TENM4: variants seen among roughly 807,000 people sequenced by gnomAD.
The protein encoded by TENM4 is teneurin-4.
In TENM4, 82 loss-of-function variants were observed where a neutral mutation model predicts 243.3. The observed-to-expected ratio is 0.34, with a 90% CI of 0.28 to 0.40. The LOEUF (loss-of-function observed/expected upper bound fraction) is 0.40, where lower values mean the gene tolerates loss of function less well. Among genes scored for constraint, TENM4 ranks in the 10% least tolerant of loss-of-function variants. The probability of loss-of-function intolerance (pLI) is 1.00; values close to 1 mark genes in which losing one functional copy is unlikely to be tolerated. For synonymous variants in TENM4, 1,412 were observed against 1,456.3 expected (o/e 0.97, Z 0.69); for missense variants, 3,138 against 3,673.3 (o/e 0.85, Z 3.77).
intron 1 of TENM4, among the ~76,000 whole-genome samples, chr11:79,329,761 G>T (rs953776974): frequency 6.6e-6 from 1 of 152,228 alleles, no homozygotes; most frequent in African/African-American, 2.4e-5. Context: ...GGGAAGATGA[G>T]ATCAGAAGTT....
Position 78,670,872 on chromosome 11 carries a change from G to C in TENM4, c.5794-321C>G, listed in dbSNP as rs1565324892. The stretch of plus-strand genomic sequence containing the variant: ...CTGTCCTATGGTGAGCAGCCTCGTG[G>C]GTTTGCCCCTTTGTGCAGGACAGAC... On this transcript the variant is annotated intron_variant, in intron 31 of 33. Coordinates refer to ENST00000278550, the MANE Select transcript of TENM4 (RefSeq NM_001098816.3). Among the ~76,000 whole-genome samples the C allele has an allele frequency of 2.0e-5, 3 of 152,180 alleles. No individual in the cohort carries two copies. The South Asian group carries it at 6.2e-4, about 31-fold the overall frequency.
chr11:79,152,697 C>T (rs537687093), intron 3 of TENM4, among the ~76,000 whole-genome samples: 1 of 152,324 alleles, frequency 6.6e-6, no homozygotes, highest in East Asian at 1.9e-4. Context: ...TTTGTGCTGG[C>T]TGGCAGCCCT....
At chr11:79,199,863 C>G (rs1863705038) in intron 3 of TENM4, among the ~76,000 whole-genome samples, 1 of 152,216 alleles carries the variant, frequency 6.6e-6, no homozygotes, top group South Asian at 2.1e-4. Flanking sequence ...TCCACAGCAG[C>G]TGACAATGGC....
chr11:78,760,808 T>C (rs1158253299), intron 18 of TENM4, among the ~76,000 whole-genome samples: 1 of 152,242 alleles, frequency 6.6e-6, no homozygotes, highest in Non-Finnish European at 1.5e-5. Context: ...AATTTCCATC[T>C]TTTTATCCGC....
At chr11:79,249,930 A>T (rs1317998256) in intron 2 of TENM4, among the ~76,000 whole-genome samples, 1 of 152,194 alleles carries the variant, frequency 6.6e-6, no homozygotes, top group Non-Finnish European at 1.5e-5. Flanking sequence ...TTTATTACGT[A>T]AACTTTTATT....
intron 1 of TENM4, among the ~76,000 whole-genome samples, chr11:79,344,944 A>T (rs1857302213): frequency 6.6e-6 from 1 of 152,238 alleles, no homozygotes; most frequent in African/African-American, 2.4e-5. Flanking sequence ...AATCGCTGCC[A>T]TCCAAAGCTT....
At chr11:79,330,168 C>G (rs1408509067) in intron 1 of TENM4, among the ~76,000 whole-genome samples, 2 of 152,146 alleles carry the variant, frequency 1.3e-5, no homozygotes, top group Admixed American at 1.3e-4. Context: ...GAAAGCAGAA[C>G]TGGGAAGAAT....
chr11:78,865,601 G>C (rs1039018981), intron 9 of TENM4, among the ~76,000 whole-genome samples: 21 of 152,260 alleles, frequency 1.4e-4, no homozygotes, highest in African/African-American at 5.1e-4. Flanking sequence ...GAGGGGCTGT[G>C]TGACTGCCAT....
At chr11:79,257,192 G>A (rs1855715144) in intron 2 of TENM4, among the ~76,000 whole-genome samples, 1 of 152,104 alleles carries the variant, frequency 6.6e-6, no homozygotes, top group African/African-American at 2.4e-5. Flanking sequence ...AAGGAACTAG[G>A]CCTCAAGTAT....
intron 1 of TENM4, among the ~76,000 whole-genome samples, chr11:79,321,558 T>G (rs1856888688): frequency 6.8e-6 from 1 of 147,228 alleles, no homozygotes; most frequent in Non-Finnish European, 1.5e-5. Flanking sequence ...AGGCAGACAT[T>G]ACCAGAGGAA....
At chr11:78,902,662 T>C (rs1349868748) in intron 7 of TENM4, among the ~76,000 whole-genome samples, 3 of 152,228 alleles carry the variant, frequency 2.0e-5, no homozygotes, top group Non-Finnish European at 4.4e-5. Context: ...GAGGATTACA[T>C]AATGTCACAC....
At chr11:78,836,182 A>G (rs1279956879) in intron 12 of TENM4, among the ~76,000 whole-genome samples, 1 of 150,748 alleles carries the variant, frequency 6.6e-6, no homozygotes, top group East Asian at 1.9e-4. Context: ...ACATGGTGAA[A>G]TCCTGTTTCT....
At chr11:79,008,876 A>G (rs561551639) in intron 6 of TENM4, among the ~76,000 whole-genome samples, 76 of 152,176 alleles carry the variant, frequency 5.0e-4, no homozygotes, top group African/African-American at 1.8e-3. Flanking sequence ...ATTTCCATCC[A>G]CCCTCCATGA....
At chr11:78,737,326 G>A (rs1277844762) in intron 20 of TENM4, among the ~76,000 whole-genome samples, 1 of 152,186 alleles carries the variant, frequency 6.6e-6, no homozygotes, top group African/African-American at 2.4e-5. Flanking sequence ...CTGAAGACTG[G>A]CCACTAATGT....
At chr11:78,816,485 G>C (rs2136111223) in intron 12 of TENM4, among the ~76,000 whole-genome samples, 1 of 152,354 alleles carries the variant, frequency 6.6e-6, no homozygotes, top group South Asian at 2.1e-4. Flanking sequence ...CAAACAGTGG[G>C]ACAGAGAAGC....
chr11:79,024,059 G>C (rs1453710955), intron 6 of TENM4, among the ~76,000 whole-genome samples: 1 of 152,232 alleles, frequency 6.6e-6, no homozygotes, highest in South Asian at 2.1e-4. Context: ...TATGAGGTTT[G>C]TAAGTTTTCC....
intron 15 of TENM4, among the ~76,000 whole-genome samples, chr11:78,804,943 A>G (rs1408066291): frequency 1.3e-5 from 2 of 152,154 alleles, no homozygotes; most frequent in Admixed American, 6.5e-5. Context: ...CCACCCCTAC[A>G]GAGCTTACCT....
intron 23 of TENM4, 83 bp from the exon 24 acceptor site, chr11:78,723,000 T>G: frequency 6.4e-7 from 1 of 1,557,226 alleles, no homozygotes; most frequent in Non-Finnish European, 8.7e-7. Context: ...TCACCTGATT[T>G]TGCAAGGCAT....
At chr11:78,754,154 AT>A (rs1353213809) in intron 19 of TENM4, among the ~76,000 whole-genome samples, 38 of 152,330 alleles carry the variant, frequency 2.5e-4, no homozygotes, top group African/African-American at 8.7e-4. Context: ...GTTGACAGAC[AT>A]TTACAGGATG....
Sources: gnomAD v4.1 joint callset for allele counts (sites outside exome capture counted in the v4.1 genomes callset) on GRCh38, gnomAD v4.1.1 for gene constraint, MANE v1.5 for transcripts, NCBI Gene and HGNC (gene_info 2026-07-23, HGNC 2026-07-21) for gene names.